GNB1: variants seen among roughly 807,000 people sequenced by gnomAD.
GNB1 encodes G protein subunit beta 1.
In GNB1, 2 loss-of-function variants were observed where a neutral mutation model predicts 42.9. That is an observed-to-expected ratio of 0.05 (90% CI 0.02 to 0.15). The LOEUF (loss-of-function observed/expected upper bound fraction) is 0.15. Among genes scored for constraint, GNB1 ranks in the 10% least tolerant of loss-of-function variants. The pLI is 1.00. For synonymous variants in GNB1, 183 were observed against 174.7 expected (o/e 1.05, Z -0.38); for missense variants, 193 against 462.2 (o/e 0.42, Z 5.34).
intron 1 of GNB1, among the ~76,000 whole-genome samples, chr1:1,877,469 G>A (rs576998823): frequency 6.6e-6 from 1 of 151,760 alleles, no homozygotes; most frequent in South Asian, 2.1e-4. Context: ...GATTTTTGCT[G>A]TATGTTCCTA....
intron 2 of GNB1, among the ~76,000 whole-genome samples, chr1:1,833,051 C>T (rs1476860807): frequency 6.6e-6 from 1 of 152,138 alleles, no homozygotes; most frequent in African/African-American, 2.4e-5. Context: ...TGTGGTCCCA[C>T]CACCAAGCAG....
chr1:1,801,473 A>G (rs902450435), intron 7 of GNB1, among the ~76,000 whole-genome samples: 1 of 152,248 alleles, frequency 6.6e-6, no homozygotes, highest in Non-Finnish European at 1.5e-5. Context: ...GAGCAAGGGC[A>G]GACAGCAGGC....
At chr1:1,848,923 T>C (rs530921837) in intron 1 of GNB1, among the ~76,000 whole-genome samples, 4 of 152,366 alleles carry the variant, frequency 2.6e-5, no homozygotes, top group Admixed American at 2.0e-4. Flanking sequence ...TCAAAAACTA[T>C]TGGATGTTCC....
At chr1:1,825,585 G>A (rs1646987084) in intron 2 of GNB1, 86 bp from the exon 3 acceptor site, 2 of 765,770 alleles carry the variant, frequency 2.6e-6, no homozygotes, top group Admixed American at 1.8e-5. Context: ...AAAGTTTAAG[G>A]TGGGCGTGGT....
intron 1 of GNB1, among the ~76,000 whole-genome samples, chr1:1,850,420 A>G (rs1345145392): frequency 4.0e-5 from 6 of 151,898 alleles, no homozygotes; most frequent in Non-Finnish European, 8.8e-5. Context: ...AGGGTGAGCC[A>G]CCGCGCCCAG....
At chr1:1,835,863 G>A (rs956961988) in intron 2 of GNB1, among the ~76,000 whole-genome samples, 9 of 140,728 alleles carry the variant, frequency 6.4e-5, no homozygotes. Context: ...CTTGAGCCCA[G>A]GAATTGAAGA....
At chr1:1,819,825 G>C (rs6664664) in intron 3 of GNB1, among the ~76,000 whole-genome samples, 2 of 151,814 alleles carry the variant, frequency 1.3e-5, no homozygotes, top group Non-Finnish European at 2.9e-5. Flanking sequence ...TTATAGGGGA[G>C]AGTTACCATG....
At chr1:1,793,587 C>T (rs1646508880) in intron 7 of GNB1, 2 of 280,064 alleles carry the variant, frequency 7.1e-6, no homozygotes, top group Non-Finnish European at 1.4e-5. Context: ...GAAACATACA[C>T]ATCTTTCATC....
chr1:1,857,706 G>C (rs1472125761), intron 1 of GNB1, among the ~76,000 whole-genome samples: 1 of 152,158 alleles, frequency 6.6e-6, no homozygotes, highest in Non-Finnish European at 1.5e-5. Flanking sequence ...CATGCTCCAA[G>C]ACCCCCAGGG....
rs1430031378 is a variant in GNB1, at chr1:1,785,621, G to A, written c.*1442C>T. The A allele has an allele frequency of 1.0e-5, 2 of 197,752 alleles. No homozygotes were observed. Among genetic ancestry groups the A allele is most frequent in the East Asian group, 1.1e-4 (1 of 9,176 alleles). 12.2% of individuals were successfully genotyped at this position (197,752 alleles called of 1,614,324 possible). On this transcript the variant is annotated 3_prime_UTR_variant, in exon 12 of 12. Transcript: ENST00000378609. ...GTCCCACAGAACCTGCTTTCCAAAC[G>A]CTGCTGCTGAACACTGGCCTTGAAA...
intron 7 of GNB1, among the ~76,000 whole-genome samples, chr1:1,798,890 C>T (rs931547544): frequency 1.3e-5 from 2 of 150,116 alleles, no homozygotes; most frequent in Middle Eastern, 3.5e-3. Context: ...TTTGTAGAGG[C>T]GGGTCTCCCT....
intron 1 of GNB1, among the ~76,000 whole-genome samples, chr1:1,857,550 T>A (rs1282612620): frequency 6.6e-6 from 1 of 152,142 alleles, no homozygotes; most frequent in Non-Finnish European, 1.5e-5. Context: ...CAGCAAGTCC[T>A]GTGGGCAGCT....
chr1:1,859,607 CAGGAGTGGGGG>C (rs1166460906), intron 1 of GNB1, among the ~76,000 whole-genome samples: 1 of 146,204 alleles, frequency 6.8e-6, no homozygotes, highest in Admixed American at 7.2e-5. Context: ...GACTGATTGG[CAGGAGTGGGGG>C]AGGAAAGAAA....
chr1:1,848,809 T>C (rs767874679), intron 1 of GNB1, among the ~76,000 whole-genome samples: 2 of 152,218 alleles, frequency 1.3e-5, no homozygotes, highest in Non-Finnish European at 2.9e-5. Context: ...GTCACGATAT[T>C]CCTTCCCTTT....
intron 1 of GNB1, among the ~76,000 whole-genome samples, chr1:1,848,737 G>A (rs1296052765): frequency 2.0e-5 from 3 of 152,212 alleles, no homozygotes; most frequent in Non-Finnish European, 4.4e-5. Context: ...TGTTTTGGGA[G>A]TCAAGTGATA....
At position 1,790,179 on chromosome 1, in the gene GNB1, C is replaced by T. The variant is rs981067382; in HGVS notation, c.699+216G>A. The stretch of plus-strand genomic sequence containing the variant: ...CACTGCTCAGCTGTAGAGGTGGGAA[C>T]GGGGACTGGCATACAACACCCTGTG... On this transcript the variant is annotated intron_variant, in intron 9 of 11. Coordinates refer to ENST00000378609, the MANE Select transcript of GNB1 (RefSeq NM_002074.5). This position sits in a 1 kb window ranked among gnomAD's most constrained non-coding sequence, Gnocchi z 5.4. 2.4e-4 allele frequency among the ~76,000 whole-genome samples: 36 copies of T among 152,248 alleles called. No homozygotes were observed. Among genetic ancestry groups the T allele is most frequent in the African/African-American group, 7.7e-4 (32 of 41,548 alleles).
chr1:1,829,785 C>T (rs1427150964), intron 2 of GNB1, among the ~76,000 whole-genome samples: 1 of 151,894 alleles, frequency 6.6e-6, no homozygotes, highest in Admixed American at 6.6e-5. Flanking sequence ...GTTGCTGAGA[C>T]TAGAGTGCAG....
At chr1:1,852,421 G>T (rs569723925) in intron 1 of GNB1, among the ~76,000 whole-genome samples, 1 of 151,914 alleles carries the variant, frequency 6.6e-6, no homozygotes, top group African/African-American at 2.4e-5. Context: ...TAGTAGAGAC[G>T]GTGTTTCACG....
chr1:1,834,333 A>T (rs1464735843), intron 2 of GNB1, among the ~76,000 whole-genome samples: 1 of 152,126 alleles, frequency 6.6e-6, no homozygotes, highest in Non-Finnish European at 1.5e-5. Context: ...AAGCCTTATT[A>T]TTTCTCATGC....
Sources: gnomAD v4.1 joint callset for allele counts (sites outside exome capture counted in the v4.1 genomes callset) on GRCh38, gnomAD v4.1.1 for gene constraint, Gnocchi (gnomAD v3.1) non-coding constraint, MANE v1.5 for transcripts, NCBI Gene and HGNC (gene_info 2026-07-23, HGNC 2026-07-21) for gene names.